Variants in GPC3 observed in about 807,000 individuals in gnomAD.
GPC3 encodes glypican 3, also known as glypican-3.
A neutral mutation model predicts 34.4 loss-of-function variants in GPC3; 3 were observed. The ratio of observed to expected loss-of-function variants is 0.09; its 90% confidence interval spans 0.04 to 0.23. GPC3 has a LOEUF of 0.23. Among genes scored for constraint, GPC3 ranks in the 10% least tolerant of loss-of-function variants. The pLI, the probability that GPC3 is intolerant of heterozygous loss-of-function variation, is 1.00. For synonymous variants in GPC3, 177 were observed against 174.0 expected, an observed-to-expected ratio of 1.02 and a Z score of -0.13; for missense variants, 351 against 445.6, an observed-to-expected ratio of 0.79 and a Z score of 1.91.
intron 2 of GPC3, among the ~76,000 whole-genome samples, chrX:133,945,157 G>A (rs1481281650): frequency 2.7e-5 from 3 of 111,630 alleles, no homozygotes; most frequent in South Asian, 7.6e-4. Context: ...TTGGGAGGCC[G>A]AGGCGGGCAG....
At chrX:133,974,360 A>G (rs929527976) in intron 1 of GPC3, among the ~76,000 whole-genome samples, 1 of 112,667 alleles carries the variant, frequency 8.9e-6, no homozygotes, top group African/African-American at 3.2e-5. Context: ...TTTCCATTTA[A>G]ATAACATGCA....
chrX:133,712,089 T>G (rs766043915), intron 3 of GPC3, among the ~76,000 whole-genome samples: 5 of 112,380 alleles, frequency 4.4e-5, no homozygotes, highest in African/African-American at 1.6e-4. Flanking sequence ...CATGTTTTTC[T>G]GATATTTAAG....
rs751051272 is a variant in GPC3, at chrX:133,693,814, GT to G, written c.1167-1321del. Among the ~76,000 whole-genome samples the G allele has an allele frequency of 2.7e-4, 30 of 111,890 alleles. No individual in the cohort carries two copies. In the East Asian group the frequency reaches 7.4e-3, roughly 27 times the overall value. ...TTACCAAAACTCATGTGGAGGTGTGGTCCCCAAGGTGGCAGTGTTGGGAGGT... is the reference window on the plus strand; with the variant it reads ...TTACCAAAACTCATGTGGAGGTGTGGCCCCAAGGTGGCAGTGTTGGGAGGT... On this transcript the variant is annotated intron_variant, in intron 4 of 7. Transcript: ENST00000370818.
intron 7 of GPC3, among the ~76,000 whole-genome samples, chrX:133,549,686 T>C (rs2069415286): frequency 1.1e-5 from 1 of 90,396 alleles, no homozygotes; most frequent in African/African-American, 4.2e-5. Context: ...CTCTTCTTTC[T>C]CTCCCTCCAT....
At chrX:133,856,687 G>C (rs2075903323) in intron 2 of GPC3, among the ~76,000 whole-genome samples, 1 of 111,916 alleles carries the variant, frequency 8.9e-6, no homozygotes, top group Non-Finnish European at 1.9e-5. Flanking sequence ...TTATGTTATG[G>C]TTTCCATATT....
chrX:133,960,199 G>A (rs920562365), intron 1 of GPC3, among the ~76,000 whole-genome samples: 2 of 110,235 alleles, frequency 1.8e-5, no homozygotes, highest in Non-Finnish European at 3.8e-5. Context: ...ACCCTGGGGC[G>A]TAATAGCTTA....
intron 6 of GPC3, among the ~76,000 whole-genome samples, chrX:133,610,086 C>A (rs1214753122): frequency 8.9e-6 from 1 of 112,024 alleles, no homozygotes. Flanking sequence ...AATTTAACCA[C>A]AAGGTCTGGG....
At chrX:133,778,680 T>C (rs893397014) in intron 2 of GPC3, among the ~76,000 whole-genome samples, 1 of 111,580 alleles carries the variant, frequency 9.0e-6, no homozygotes. Context: ...GCCAAAGACA[T>C]GCAAGAGACA....
intron 1 of GPC3, among the ~76,000 whole-genome samples, chrX:133,976,583 C>T (rs1448361411): frequency 9.0e-6 from 1 of 110,974 alleles, no homozygotes; most frequent in Non-Finnish European, 1.9e-5. Context: ...AAAAATATTT[C>T]TTTACTTGTC....
At chrX:133,649,268 A>ATATG (rs763253345) in intron 6 of GPC3, among the ~76,000 whole-genome samples, 16 of 104,100 alleles carry the variant, frequency 1.5e-4, no homozygotes, top group African/African-American at 4.9e-4. Flanking sequence ...ATATATATAT[A>ATATG]TGTGTGTGTG....
At position 133,642,833 on chromosome X, in the gene GPC3, G is replaced by T. The variant is rs192217778; in HGVS notation, c.1413+18897C>A. Among the ~76,000 whole-genome samples, 200 of 101,941 alleles carry T rather than the reference G, an allele frequency of 2.0e-3. 1 individual carries two copies. Among genetic ancestry groups the T allele is most frequent in the African/African-American group, 6.8e-3 (192 of 28,413 alleles). 88.5% of individuals were successfully genotyped at this position (101,941 alleles called of 115,157 possible). A position where few individuals can be genotyped will look rare whatever the true frequency, so the allele number is the denominator to read the frequency against. On this transcript the variant is annotated intron_variant, in intron 6 of 7. Coordinates refer to ENST00000370818, the MANE Select transcript of GPC3 (RefSeq NM_004484.4). Reference sequence around the variant, plus strand: ...AAAAGAAAAAGAAAAAGAAAGAAAAGAAGTGCATACAATGTGATAGGTAGA... The same window carrying T: ...AAAAGAAAAAGAAAAAGAAAGAAAATAAGTGCATACAATGTGATAGGTAGA...
chrX:133,650,863 C>A (rs1320547507), intron 6 of GPC3, among the ~76,000 whole-genome samples: 1 of 111,510 alleles, frequency 9.0e-6, no homozygotes, highest in East Asian at 2.8e-4. Context: ...TGATAGTATA[C>A]CCATTTCACA....
intron 2 of GPC3, among the ~76,000 whole-genome samples, chrX:133,758,554 G>T (rs1437015319): frequency 1.8e-5 from 2 of 110,478 alleles, no homozygotes; most frequent in Admixed American, 1.9e-4. Context: ...TGTTGAGGCA[G>T]GGAGGGAGGG....
chrX:133,570,430 A>T (rs1392355383), intron 7 of GPC3, among the ~76,000 whole-genome samples: 1 of 103,633 alleles, frequency 9.6e-6, no homozygotes, highest in East Asian at 3.1e-4. Context: ...CAAACTCCCG[A>T]CCTCAGGTGA....
chrX:133,575,900 T>C (rs1344782873), intron 7 of GPC3, among the ~76,000 whole-genome samples: 1 of 111,193 alleles, frequency 9.0e-6, no homozygotes, highest in Non-Finnish European at 1.9e-5. Flanking sequence ...ATGGGAGAGA[T>C]ATGGGGAAAT....
intron 2 of GPC3, among the ~76,000 whole-genome samples, chrX:133,796,023 G>A (rs2075578519): frequency 1.0e-5 from 1 of 97,824 alleles, no homozygotes; most frequent in Non-Finnish European, 2.0e-5. Flanking sequence ...TTGGCTCACT[G>A]CAAGCTCCGC....
chrX:133,874,429 T>A (rs2076006813), intron 2 of GPC3, among the ~76,000 whole-genome samples: 2 of 111,822 alleles, frequency 1.8e-5, no homozygotes, highest in Admixed American at 1.9e-4. Context: ...ATATATATAT[T>A]TTTGCTATAG....
chrX:133,565,029 A>C (rs5975414), intron 7 of GPC3, among the ~76,000 whole-genome samples: 2 of 112,392 alleles, frequency 1.8e-5, no homozygotes, highest in Non-Finnish European at 3.7e-5. Context: ...CTATGAAAAT[A>C]TCAGGCAGCT....
chrX:133,559,335 A>G (rs975897634), intron 7 of GPC3, among the ~76,000 whole-genome samples: 6 of 97,263 alleles, frequency 6.2e-5, no homozygotes, highest in African/African-American at 3.0e-4. Flanking sequence ...GGAGATTGAC[A>G]CATGGCATAG....
Sources: allele counts gnomAD v4.1 joint callset (sites outside exome capture counted in the v4.1 genomes callset), GRCh38; gene constraint gnomAD v4.1.1; transcripts MANE v1.5; gene names NCBI Gene and HGNC (gene_info 2026-07-23, HGNC 2026-07-21).